CCDC144A: variants seen among roughly 807,000 people sequenced by gnomAD.
CCDC144A encodes coiled-coil domain-containing protein 144A.
In CCDC144A, 41 loss-of-function variants were observed where a neutral mutation model predicts 143.8. That is an observed-to-expected ratio of 0.29 (90% CI 0.22 to 0.37). CCDC144A has a LOEUF of 0.37. CCDC144A is among the 10% of genes least tolerant of loss of function. The pLI, the probability that CCDC144A is intolerant of heterozygous loss-of-function variation, is 1.00. For missense variants in CCDC144A, 637 were observed against 1,488.8 expected (o/e 0.43, Z 9.41); for synonymous variants, 242 against 517.9 (o/e 0.47, Z 7.23).
At chr17:16,685,153 A>C (rs1216127826), upstream of CCDC144A, among the ~76,000 whole-genome samples, 1 of 151,962 alleles carries the variant, frequency 6.6e-6, no homozygotes, top group Non-Finnish European at 1.5e-5. Context: ...CAGCCTCCCA[A>C]GTATCTGGGA....
chr17:16,754,445 A>AT (rs887510605), intron 12 of CCDC144A, among the ~76,000 whole-genome samples: 154 of 151,870 alleles, frequency 1.0e-3, no homozygotes, highest in African/African-American at 3.6e-3. Context: ...ATAGGGATTG[A>AT]TTTTTTTCCC....
intron 12 of CCDC144A, among the ~76,000 whole-genome samples, chr17:16,752,313 C>T (rs1419846767): frequency 1.1e-3 from 172 of 152,256 alleles, no homozygotes; most frequent in Middle Eastern, 3.4e-3. Context: ...ATCGCGAAAC[C>T]ATCCCCACCC....
intron 12 of CCDC144A, among the ~76,000 whole-genome samples, chr17:16,741,125 T>C (rs1914236266): frequency 6.6e-6 from 1 of 152,038 alleles, no homozygotes; most frequent in African/African-American, 2.4e-5. Context: ...ATTCTATTTC[T>C]TGTTGTCTCC....
intron 12 of CCDC144A, chr17:16,746,196 T>G (rs1469704014): frequency 6.0e-6 from 9 of 1,488,040 alleles, no homozygotes; most frequent in African/African-American, 1.4e-5. Flanking sequence ...TTCCTCTCCC[T>G]TTTCTGGTTT....
At chr17:16,756,240 T>C (rs2656399) in intron 12 of CCDC144A, among the ~76,000 whole-genome samples, 3 of 152,262 alleles carry the variant, frequency 2.0e-5, no homozygotes, top group African/African-American at 4.8e-5. Flanking sequence ...TCCCAATATC[T>C]GAAAAAATTT....
At position 16,725,034 on chromosome 17, in the gene CCDC144A, T is replaced by TG. The variant is rs1913337570; in HGVS notation, c.1892-2492dup. ...TTTTTTTTTTTTTTTTTTTTTTTTT[T>TG]GTGTGAAATCTACTTTGGTATTAAC... On this transcript the variant is annotated intron_variant, in intron 8 of 16. Coordinates refer to ENST00000399273, the MANE Select transcript of CCDC144A (RefSeq NM_001382000.1). Among the ~76,000 whole-genome samples, 6 of 95,060 alleles carry TG rather than the reference T, an allele frequency of 6.3e-5. No individual in the cohort carries two copies. In the South Asian group the frequency reaches 1.7e-3, roughly 27 times the overall value. 62.4% of individuals were successfully genotyped at this position (95,060 alleles called of 152,430 possible).
the CCDC144A span, among the ~76,000 whole-genome samples, chr17:16,676,694 T>A: frequency 1.3e-5 from 2 of 152,082 alleles, no homozygotes; most frequent in African/African-American, 4.8e-5. Context: ...CTTGTTTTTT[T>A]AAAAACACTC....
At chr17:16,683,368 A>C in the CCDC144A span, 1 of 643,322 alleles carries the variant, frequency 1.6e-6, no homozygotes, top group Non-Finnish European at 2.7e-6. Flanking sequence ...GTCACAGTTT[A>C]GGACAACTCT....
intron 15 of CCDC144A, among the ~76,000 whole-genome samples, chr17:16,771,737 C>T (rs1597600098): frequency 6.6e-6 from 1 of 152,356 alleles, no homozygotes; most frequent in Non-Finnish European, 1.5e-5. Context: ...GACATAGCTC[C>T]AACAGACCAA....
chr17:16,758,238 CCA>C (rs1248813314), intron 12 of CCDC144A, among the ~76,000 whole-genome samples: 3 of 152,264 alleles, frequency 2.0e-5, no homozygotes, highest in Non-Finnish European at 2.9e-5. Flanking sequence ...ACCTCTCACC[CCA>C]CACACAGGTT....
Position 16,776,462 on chromosome 17 carries a change from A to G in CCDC144A, c.*2829A>G, listed in dbSNP as rs1916004380. On this transcript the variant is annotated 3_prime_UTR_variant, in exon 17 of 17. Transcript: ENST00000399273. ...CTAGGTATTATACTCTTCTTGTGGCAATTGTGAATGGGAGTTAATTCATGA... is the reference window on the plus strand; with the variant it reads ...CTAGGTATTATACTCTTCTTGTGGCGATTGTGAATGGGAGTTAATTCATGA... 6.6e-6 allele frequency: 1 copy of G among 152,142 alleles called. No individual in the cohort carries two copies. The highest frequency in any genetic ancestry group is 2.1e-4 in the South Asian group (1 of 4,832). 9.4% of individuals were successfully genotyped at this position (152,142 alleles called of 1,614,324 possible). A position where few individuals can be genotyped will look rare whatever the true frequency, so the allele number is the denominator to read the frequency against.
upstream of CCDC144A, among the ~76,000 whole-genome samples, chr17:16,686,967 C>T (rs1910807329): frequency 6.6e-6 from 1 of 152,042 alleles, no homozygotes; most frequent in Non-Finnish European, 1.5e-5. Flanking sequence ...CTCACCCCAG[C>T]TAGGCCAAGG....
At chr17:16,687,133 A>G (rs928682912), upstream of CCDC144A, among the ~76,000 whole-genome samples, 1 of 152,226 alleles carries the variant, frequency 6.6e-6, no homozygotes, top group East Asian at 1.9e-4. Flanking sequence ...AGAGGCCACA[A>G]CAGCCAGGTT....
chr17:16,729,702 T>A (rs551987687), intron 9 of CCDC144A, among the ~76,000 whole-genome samples: 1 of 151,612 alleles, frequency 6.6e-6, no homozygotes, highest in South Asian at 2.1e-4. Flanking sequence ...ATTAAAGGCA[T>A]TGCCACCACG....
chr17:16,772,422 G>A (rs1229621502), intron 16 of CCDC144A, among the ~76,000 whole-genome samples: 32 of 150,272 alleles, frequency 2.1e-4, no homozygotes, highest in Non-Finnish European at 1.5e-4. Context: ...ATAAGCAGTC[G>A]CTTGAGAGGT....
chr17:16,771,490 G>A (rs1347759896), intron 15 of CCDC144A, among the ~76,000 whole-genome samples: 1 of 152,218 alleles, frequency 6.6e-6, no homozygotes, highest in Non-Finnish European at 1.5e-5. Context: ...CTTCAAGTAT[G>A]TATTAAAGAT....
intron 2 of CCDC144A, among the ~76,000 whole-genome samples, chr17:16,702,000 T>G (rs1334284917): frequency 1.3e-5 from 2 of 152,094 alleles, no homozygotes; most frequent in Non-Finnish European, 2.9e-5. Flanking sequence ...AATATGTTCC[T>G]CTCTGGTTCT....
rs1246022031 is a variant in CCDC144A, at chr17:16,776,490, T to G, written c.*2857T>G. 6.6e-6 allele frequency: 1 copy of G among 152,268 alleles called. No individual in the cohort carries two copies. The highest frequency in any genetic ancestry group is 6.5e-5 in the Admixed American group (1 of 15,276). The allele number at this position is 152,268 out of a possible 1,614,324, so 9.4% of individuals were successfully genotyped here. A position where few individuals can be genotyped will look rare whatever the true frequency, so the allele number is the denominator to read the frequency against. On this transcript the variant is annotated 3_prime_UTR_variant, in exon 17 of 17. Transcript: ENST00000399273. ...TGTGAATGGGAGTTAATTCATGAGT[T>G]TTCTCTCGGCTTGCCTGTTGTTGGT...
rs1197422771 is a variant in CCDC144A at position 16,709,589 on chromosome 17, A to G, written c.1532A>G (p.Glu511Gly). Residue 511 changes from glutamate to glycine, a missense_variant, in exon 5 of 17, where the codon GAA becomes GGA. Transcript: ENST00000399273. ...AAGAATGAGGTCAACACATTAGAAG[A>G]AGAGTTCCTGGCTTTGAAGAAAGAA... Reference protein sequence around the residue: ...KFKNEVNTLEEEFLALKKEDV... With the variant: ...KFKNEVNTLEGEFLALKKEDV... 1.2e-6 allele frequency: 2 copies of G among 1,611,608 alleles called. No individual in the cohort carries two copies. The highest frequency in any genetic ancestry group is 2.7e-5 in the African/African-American group (2 of 74,980).
Sources: allele counts gnomAD v4.1 joint callset (sites outside exome capture counted in the v4.1 genomes callset), GRCh38; gene constraint gnomAD v4.1.1; transcripts MANE v1.5; gene names NCBI Gene and HGNC (gene_info 2026-07-23, HGNC 2026-07-21).